Variants in SMG6 observed in about 807,000 individuals in gnomAD.
SMG6 encodes telomerase-binding protein EST1A.
In SMG6, 66 loss-of-function variants were observed where a neutral mutation model predicts 142.2. The observed-to-expected ratio is 0.46, with a 90% CI of 0.38 to 0.57. The LOEUF is 0.57. Ranked by LOEUF, SMG6 falls within the 20% of genes least tolerant of loss-of-function variation. The pLI is 0.00. For missense variants in SMG6, 1,793 were observed against 1,832.0 expected, an observed-to-expected ratio of 0.98 and a Z score of 0.39; for synonymous variants, 779 against 702.4, an observed-to-expected ratio of 1.11 and a Z score of -1.72.
intron 13 of SMG6, chr17:2,088,841 G>T (rs951520428): frequency 3.0e-6 from 3 of 985,378 alleles, no homozygotes; most frequent in East Asian, 1.1e-4. Context: ...TCTTAACTTG[G>T]GGGGAATAAG....
chr17:2,132,507 A>G (rs557317031), intron 13 of SMG6, among the ~76,000 whole-genome samples: 3 of 152,176 alleles, frequency 2.0e-5, no homozygotes, highest in East Asian at 1.9e-4. Flanking sequence ...GCTACAACTC[A>G]TAAGAGTACC....
At position 2,300,063 on chromosome 17, in the gene SMG6, G is replaced by A. The variant is rs768185173; in HGVS notation, c.690C>T (p.His230=). 5.6e-6 allele frequency: 9 copies of A among 1,614,180 alleles called. No homozygotes were observed. The highest frequency in any genetic ancestry group is 2.2e-5 in the East Asian group (1 of 44,876). ...CCGGCCTCCCGCGGGCTGGGTCGTCGTGGGTTTCCCTCACCCCCTCCCCTT... is the reference window on the plus strand; with the variant it reads ...CCGGCCTCCCGCGGGCTGGGTCGTCATGGGTTTCCCTCACCCCCTCCCCTT... The part of the protein sequence containing the change: ...MGKGEGVRET[H]DDPARGRPGS... The change falls in exon 2 of 19, where the codon CAC becomes CAT. Residue 230 remains histidine (H), a synonymous_variant. Transcript: ENST00000263073.
chr17:2,095,692 A>G (rs956331408), intron 13 of SMG6, among the ~76,000 whole-genome samples: 2 of 152,162 alleles, frequency 1.3e-5, no homozygotes, highest in African/African-American at 4.8e-5. Flanking sequence ...TCTCAGCCCA[A>G]GGGAGAAGAA....
chr17:2,260,598 C>T (rs1466002807), intron 8 of SMG6, among the ~76,000 whole-genome samples: 1 of 152,194 alleles, frequency 6.6e-6, no homozygotes, highest in East Asian at 1.9e-4. Context: ...TAACAAGGAT[C>T]CACAAAGCAA....
intron 13 of SMG6, among the ~76,000 whole-genome samples, chr17:2,090,329 A>G (rs906029743): frequency 6.6e-6 from 1 of 152,066 alleles, no homozygotes; most frequent in South Asian, 2.1e-4. Context: ...AACGAGCTAT[A>G]TGCTGCTTTA....
rs1267408951 is a variant in SMG6 at position 2,230,334 on chromosome 17, AAAG to A, written c.2869+6155_2869+6157del. Among the ~76,000 whole-genome samples, 6 of 29,440 alleles carry A rather than the reference AAAG, an allele frequency of 2.0e-4. 2 individuals are homozygous for A. Among genetic ancestry groups the A allele is most frequent in the Non-Finnish European group, 2.9e-4 (4 of 13,614 alleles). The allele number at this position is 29,440 out of a possible 152,430, so 19.3% of individuals were successfully genotyped here. A position where few individuals can be genotyped will look rare whatever the true frequency, so the allele number is the denominator to read the frequency against. On this transcript the variant is annotated intron_variant, in intron 10 of 18. Coordinates refer to ENST00000263073, the MANE Select transcript of SMG6 (RefSeq NM_017575.5). The stretch of plus-strand genomic sequence containing the variant: ...AAAAAAAAAAAAAAAAAAAAAAAAA[AAAG>A]GGAAAACCACAAACAATCAAATTGA...
At chr17:2,158,425 C>T (rs1327811257) in intron 13 of SMG6, among the ~76,000 whole-genome samples, 1 of 152,050 alleles carries the variant, frequency 6.6e-6, no homozygotes, top group Non-Finnish European at 1.5e-5. Context: ...CTGGTTATTT[C>T]TGAGTTTACT....
At chr17:2,172,308 G>T (rs573711668) in intron 13 of SMG6, among the ~76,000 whole-genome samples, 13 of 152,054 alleles carry the variant, frequency 8.5e-5, no homozygotes, top group African/African-American at 2.4e-4. Flanking sequence ...TGTGGCGGAG[G>T]GGGGCGGGGA....
intron 8 of SMG6, among the ~76,000 whole-genome samples, chr17:2,255,066 G>A (rs1311111939): frequency 6.6e-6 from 1 of 152,146 alleles, no homozygotes; most frequent in East Asian, 1.9e-4. Context: ...CTGTAAGAAA[G>A]TCTGGAGAAG....
chr17:2,181,670 AC>A (rs2151674715), intron 12 of SMG6, among the ~76,000 whole-genome samples: 1 of 152,270 alleles, frequency 6.6e-6, no homozygotes, highest in Admixed American at 6.5e-5. Flanking sequence ...AAATGTCCCA[AC>A]CCCCTCTGCC....
rs764740839 is a variant in SMG6 at position 2,071,156 on chromosome 17, C to CGCCTCT, written c.3682-2231_3682-2226dup. Among the ~76,000 whole-genome samples, 2 of 152,154 alleles carry CGCCTCT rather than the reference C, an allele frequency of 1.3e-5. No homozygotes were observed. The highest frequency in any genetic ancestry group is 2.9e-5 in the Non-Finnish European group (2 of 68,026). Reference sequence around the variant, plus strand: ...GGGCTGGGGGTCCGGCTCTGCACTGCGCCTCTGCCTCTGCCTCTGCCCCGC... The same window carrying CGCCTCT: ...GGGCTGGGGGTCCGGCTCTGCACTGCGCCTCTGCCTCTGCCTCTGCCTCTGCCCCGC... On this transcript the variant is annotated intron_variant, in intron 15 of 18. Transcript: ENST00000263073. This position sits in a 1 kb window ranked among gnomAD's most constrained non-coding sequence, Gnocchi z 5.6.
intron 13 of SMG6, among the ~76,000 whole-genome samples, chr17:2,097,313 C>T (rs768511018): frequency 3.3e-5 from 5 of 152,054 alleles, no homozygotes; most frequent in Admixed American, 6.6e-5. Context: ...AGCCACCACA[C>T]CTGCTAATTT....
intron 13 of SMG6, among the ~76,000 whole-genome samples, chr17:2,120,268 G>A (rs1469677215): frequency 6.6e-6 from 1 of 152,178 alleles, no homozygotes; most frequent in Non-Finnish European, 1.5e-5. Context: ...GAATAGGTAA[G>A]ACACAGGCTT....
chr17:2,080,073 TCAAAACAAAACAAAA>T lies in SMG6; in HGVS notation c.3681+1722_3681+1736del, dbSNP rs59094023. ...CTGGGCAACAGGGCAAGACTCCATC[TCAAAACAAAACAAAA>T]CAAAACAAAACAAAACAAAACAAAA... On this transcript the variant is annotated intron_variant, in intron 15 of 18. Coordinates refer to ENST00000263073, the MANE Select transcript of SMG6 (RefSeq NM_017575.5). Among the ~76,000 whole-genome samples the T allele has an allele frequency of 5.2e-3, 749 of 142,954 alleles. 3 individuals are homozygous for T. The highest frequency in any genetic ancestry group is 0.017 in the East Asian group (83 of 4,912). The allele number at this position is 142,954 out of a possible 152,430, so 93.8% of individuals were successfully genotyped here. A position where few individuals can be genotyped will look rare whatever the true frequency, so the allele number is the denominator to read the frequency against.
At position 2,206,954 on chromosome 17, in the gene SMG6, T is replaced by A. The variant is rs569385916; in HGVS notation, c.2870-18439A>T. Among the ~76,000 whole-genome samples, 7 of 151,576 alleles carry A rather than the reference T, an allele frequency of 4.6e-5. No homozygotes were observed. The South Asian group carries it at 8.4e-4, about 18-fold the overall frequency. On this transcript the variant is annotated intron_variant, in intron 10 of 18. Transcript: ENST00000263073. ...ATAAAGATGAAAGTAAAATATTTTT[T>A]AAAAAGATCTATAAAACTAAATTAA...
intron 13 of SMG6, chr17:2,088,683 G>A: frequency 1.0e-6 from 1 of 985,460 alleles, no homozygotes; most frequent in Non-Finnish European, 1.2e-6. Context: ...GGTCAAAGCT[G>A]TGTAAAGTGT....
intron 4 of SMG6, among the ~76,000 whole-genome samples, chr17:2,295,124 T>C (rs1040693305): frequency 2.6e-5 from 4 of 152,130 alleles, no homozygotes; most frequent in African/African-American, 7.2e-5. Context: ...GTGATCTGCC[T>C]GCCTTGGCCT....
intron 13 of SMG6, among the ~76,000 whole-genome samples, chr17:2,108,392 G>A (rs924925244): frequency 1.3e-5 from 2 of 152,192 alleles, no homozygotes; most frequent in Admixed American, 1.3e-4. Flanking sequence ...CGAGGCGGGC[G>A]GGTAACTTGA....
intron 12 of SMG6, among the ~76,000 whole-genome samples, chr17:2,185,375 C>T (rs1157270342): frequency 6.6e-6 from 1 of 152,008 alleles, no homozygotes; most frequent in Non-Finnish European, 1.5e-5. Flanking sequence ...AACCCAGACA[C>T]AGATATAGAC....
Sources: allele counts gnomAD v4.1 joint callset (sites outside exome capture counted in the v4.1 genomes callset), GRCh38; gene constraint gnomAD v4.1.1; non-coding constraint Gnocchi (gnomAD v3.1); transcripts MANE v1.5; gene names NCBI Gene and HGNC (gene_info 2026-07-23, HGNC 2026-07-21).